The following PTPRT variants were observed in gnomAD, a reference collection of about 807,000 sequenced individuals.
The protein encoded by PTPRT is protein tyrosine phosphatase receptor type T.
In PTPRT, 56 loss-of-function variants were observed where a neutral mutation model predicts 176.8. The observed-to-expected ratio is 0.32, with a 90% CI of 0.26 to 0.40. The LOEUF (loss-of-function observed/expected upper bound fraction) is 0.40. Among genes scored for constraint, PTPRT ranks in the 10% least tolerant of loss-of-function variants. The probability of loss-of-function intolerance (pLI) is 1.00; values close to 1 mark genes in which losing one functional copy is unlikely to be tolerated. For synonymous variants in PTPRT, 783 were observed against 739.0 expected (o/e 1.06, Z -0.96); for missense variants, 1,540 against 1,908.2 (o/e 0.81, Z 3.60).
intron 14 of PTPRT, among the ~76,000 whole-genome samples, chr20:42,237,011 A>T (rs1179716985): frequency 6.6e-6 from 1 of 152,148 alleles, no homozygotes; most frequent in Non-Finnish European, 1.5e-5. Context: ...GAAGAAGCCC[A>T]GTTTCCCTGA....
At chr20:43,001,899 A>C (rs79076653) in intron 1 of PTPRT, among the ~76,000 whole-genome samples, 8 of 152,058 alleles carry the variant, frequency 5.3e-5, no homozygotes, top group Admixed American at 1.3e-4. Flanking sequence ...AACAAAAAAA[A>C]CCACCATTGA....
chr20:42,416,047 C>A (rs1483278074), intron 9 of PTPRT, among the ~76,000 whole-genome samples: 1 of 152,270 alleles, frequency 6.6e-6, no homozygotes, highest in East Asian at 1.9e-4. Flanking sequence ...TGCTCAGAAC[C>A]TGGAATTGTG....
chr20:42,485,319 A>AAGAAGAAAAGCTGGAGAAAGAATAAAAC (rs1384135192), intron 7 of PTPRT, among the ~76,000 whole-genome samples: 1 of 152,190 alleles, frequency 6.6e-6, no homozygotes, highest in Non-Finnish European at 1.5e-5. Context: ...ATTAAAGGAA[A>AAGAAGAAAAGCTGGAGAAAGAATAAAAC]AGAAGAAAAG....
intron 7 of PTPRT, among the ~76,000 whole-genome samples, chr20:42,481,610 C>G (rs771941961): frequency 6.6e-6 from 1 of 151,934 alleles, no homozygotes; most frequent in East Asian, 1.9e-4. Flanking sequence ...GGCGTGTACT[C>G]ATCACATCTG....
chr20:42,874,599 T>A (rs1412803478), intron 2 of PTPRT, among the ~76,000 whole-genome samples: 2 of 152,158 alleles, frequency 1.3e-5, no homozygotes, highest in African/African-American at 4.8e-5. Flanking sequence ...TAGAGAGTGG[T>A]TCAGGGCACA....
intron 19 of PTPRT, among the ~76,000 whole-genome samples, chr20:42,127,009 T>C (rs746001099): frequency 6.6e-5 from 10 of 152,134 alleles, no homozygotes; most frequent in Non-Finnish European, 1.2e-4. Flanking sequence ...AGGGTGTAGT[T>C]AGGGAAACAG....
chr20:42,293,234 T>C (rs2057343563), intron 12 of PTPRT, among the ~76,000 whole-genome samples: 2 of 152,180 alleles, frequency 1.3e-5, no homozygotes, highest in South Asian at 4.1e-4. Context: ...GCTGACTCCA[T>C]TGCCTCAACT....
intron 13 of PTPRT, among the ~76,000 whole-genome samples, chr20:42,272,039 G>C (rs1600759880): frequency 1.3e-5 from 2 of 152,226 alleles, no homozygotes; most frequent in East Asian, 1.9e-4. Flanking sequence ...TCTAAGTCAG[G>C]GGTCAGCAAA....
chr20:42,794,083 T>G (rs1474250010), intron 2 of PTPRT, among the ~76,000 whole-genome samples: 1 of 152,184 alleles, frequency 6.6e-6, no homozygotes, highest in Non-Finnish European at 1.5e-5. Context: ...CTTCTTTCCA[T>G]CCTAGCTTCG....
intron 12 of PTPRT, among the ~76,000 whole-genome samples, chr20:42,312,456 T>C (rs1242131144): frequency 6.6e-6 from 1 of 152,198 alleles, no homozygotes; most frequent in Non-Finnish European, 1.5e-5. Context: ...TCTGCTTCAA[T>C]GACCCTTTCA....
At chr20:42,457,345 C>A (rs1032319402) in intron 8 of PTPRT, among the ~76,000 whole-genome samples, 1 of 152,132 alleles carries the variant, frequency 6.6e-6, no homozygotes, top group African/African-American at 2.4e-5. Flanking sequence ...TATGTTCTAT[C>A]CCAGGATTTA....
rs564409767 is a variant in PTPRT at position 42,353,608 on chromosome 20, T to C, written c.1561-1323A>G. ...TTTTGAAGCACTCACTCTCAACTTC[T>C]GCACTTGCCCAAGGGTGAAAATAAC... On this transcript the variant is annotated intron_variant, in intron 9 of 30. Coordinates refer to ENST00000373187, the MANE Select transcript of PTPRT (RefSeq NM_007050.6). Among the ~76,000 whole-genome samples the C allele has an allele frequency of 2.6e-4, 39 of 152,330 alleles. No individual in the cohort carries two copies. The South Asian group carries it at 4.8e-3, about 19-fold the overall frequency.
intron 2 of PTPRT, among the ~76,000 whole-genome samples, chr20:42,860,940 G>A (rs1044777278): frequency 6.6e-6 from 1 of 152,094 alleles, no homozygotes; most frequent in Non-Finnish European, 1.5e-5. Context: ...GAATAGACAG[G>A]CTCCGTCACA....
At chr20:42,303,755 A>G (rs191894479) in intron 12 of PTPRT, among the ~76,000 whole-genome samples, 49 of 152,312 alleles carry the variant, frequency 3.2e-4, no homozygotes, top group Non-Finnish European at 5.9e-4. Flanking sequence ...GTTACTATCC[A>G]GAACTACGAT....
intron 1 of PTPRT, among the ~76,000 whole-genome samples, chr20:42,951,354 A>T (rs1220813607): frequency 2.0e-5 from 3 of 151,418 alleles, no homozygotes; most frequent in Non-Finnish European, 2.9e-5. Context: ...GGGCAGATGG[A>T]TAGATGGACA....
At chr20:42,099,150 C>T (rs1323206918) in intron 26 of PTPRT, among the ~76,000 whole-genome samples, 1 of 152,166 alleles carries the variant, frequency 6.6e-6, no homozygotes, top group Non-Finnish European at 1.5e-5. Context: ...TATGAGTCAT[C>T]CATCTGTCCA....
intron 5 of PTPRT, among the ~76,000 whole-genome samples, chr20:42,760,160 T>C (rs567544777): frequency 6.6e-6 from 1 of 152,230 alleles, no homozygotes; most frequent in East Asian, 1.9e-4. Flanking sequence ...GGCAGCTCTC[T>C]GGGAAAAGGA....
At chr20:43,045,008 A>T (rs910236016) in intron 1 of PTPRT, among the ~76,000 whole-genome samples, 3 of 152,362 alleles carry the variant, frequency 2.0e-5, no homozygotes, top group Non-Finnish European at 2.9e-5. Flanking sequence ...AAGCCTTAAA[A>T]TGTCACTGTA....
intron 5 of PTPRT, among the ~76,000 whole-genome samples, chr20:42,765,685 T>C (rs1213290276): frequency 6.6e-6 from 1 of 151,836 alleles, no homozygotes; most frequent in East Asian, 1.9e-4. Context: ...TACATATGTA[T>C]ATACAGATTA....
Sources: allele counts gnomAD v4.1 joint callset (sites outside exome capture counted in the v4.1 genomes callset), GRCh38; gene constraint gnomAD v4.1.1; transcripts MANE v1.5; gene names NCBI Gene and HGNC (gene_info 2026-07-23, HGNC 2026-07-21).